The following SEMA5A variants were observed in gnomAD, a reference collection of about 807,000 sequenced individuals.
SEMA5A encodes the protein semaphorin-5A.
Under a neutral mutation model 135.5 loss-of-function variants are expected in SEMA5A, and 55 were observed. The observed-to-expected ratio is 0.41, with a 90% confidence interval of 0.33 to 0.51. The LOEUF (loss-of-function observed/expected upper bound fraction) is 0.51. Ranked by LOEUF, SEMA5A falls within the 20% of genes least tolerant of loss-of-function variation. SEMA5A has a pLI of 0.37. For synonymous variants in SEMA5A, 580 were observed against 546.5 expected (o/e 1.06, Z -0.85); for missense variants, 1,290 against 1,419.9 (o/e 0.91, Z 1.47).
intron 10 of SEMA5A, among the ~76,000 whole-genome samples, chr5:9,191,032 T>C (rs1806129): frequency 0.022 from 3,302 of 152,254 alleles, 123 homozygotes; most frequent in African/African-American, 0.075. Context: ...TTTCTACTTG[T>C]ATTTCCAATT....
intron 11 of SEMA5A, among the ~76,000 whole-genome samples, chr5:9,156,396 A>G (rs1742957382): frequency 6.6e-6 from 1 of 152,200 alleles, no homozygotes; most frequent in African/African-American, 2.4e-5. Context: ...ATCAGCTCAC[A>G]TGTGTCAGCC....
chr5:9,460,562 G>A (rs1305085127), intron 1 of SEMA5A, among the ~76,000 whole-genome samples: 2 of 152,028 alleles, frequency 1.3e-5, no homozygotes, highest in Non-Finnish European at 2.9e-5. Flanking sequence ...TAATATGCTA[G>A]ATGTTCAAGT....
chr5:9,238,714 T>C (rs1462851816), intron 5 of SEMA5A, among the ~76,000 whole-genome samples: 1 of 151,964 alleles, frequency 6.6e-6, no homozygotes, highest in Non-Finnish European at 1.5e-5. Flanking sequence ...TTTTTTCTCT[T>C]TTCTATCATT....
intron 1 of SEMA5A, among the ~76,000 whole-genome samples, chr5:9,535,816 G>A (rs961047403): frequency 6.6e-6 from 1 of 152,206 alleles, no homozygotes; most frequent in East Asian, 1.9e-4. Flanking sequence ...CTGCCCTGCG[G>A]CAAGCCAGGA....
intron 5 of SEMA5A, among the ~76,000 whole-genome samples, chr5:9,259,202 A>G (rs17255732): frequency 0.36 from 54,762 of 152,158 alleles, 10,489 homozygotes; most frequent in East Asian, 0.48. Flanking sequence ...TACAGCTACA[A>G]TGGAAGAGAG....
At chr5:9,274,266 T>A (rs1374298368) in intron 5 of SEMA5A, among the ~76,000 whole-genome samples, 1 of 152,084 alleles carries the variant, frequency 6.6e-6, no homozygotes, top group Non-Finnish European at 1.5e-5. Flanking sequence ...AGTAAAGGGA[T>A]CAATGCAACA....
intron 12 of SEMA5A, among the ~76,000 whole-genome samples, chr5:9,137,771 A>C (rs1176410315): frequency 6.6e-6 from 1 of 152,246 alleles, no homozygotes; most frequent in Non-Finnish European, 1.5e-5. Flanking sequence ...GTAAGTAAGT[A>C]ATGATGAGTT....
intron 16 of SEMA5A, among the ~76,000 whole-genome samples, chr5:9,086,567 C>T (rs1219669711): frequency 6.6e-6 from 1 of 152,152 alleles, no homozygotes; most frequent in African/African-American, 2.4e-5. Flanking sequence ...AATTGTAAGT[C>T]CAATAAACCT....
intron 15 of SEMA5A, among the ~76,000 whole-genome samples, chr5:9,109,286 C>T (rs547552055): frequency 5.9e-5 from 9 of 152,036 alleles, no homozygotes; most frequent in South Asian, 4.2e-4. Context: ...GTGATCCGCC[C>T]GCCTCGGCCT....
intron 2 of SEMA5A, among the ~76,000 whole-genome samples, chr5:9,418,709 C>T (rs568209432): frequency 6.6e-6 from 1 of 152,186 alleles, no homozygotes; most frequent in South Asian, 2.1e-4. Context: ...TATTTATACC[C>T]CGGAGAGTAA....
rs1554017978 is a variant in SEMA5A, at chr5:9,035,979, A to AAAT, written c.*6917_*6918insATT. 1 of 151,642 alleles carries AAAT rather than the reference A, an allele frequency of 6.6e-6. No homozygotes were observed. Among genetic ancestry groups the AAAT allele is most frequent in the Non-Finnish European group, 1.5e-5 (1 of 67,980 alleles). The allele number at this position is 151,642 out of a possible 1,614,324, so 9.4% of individuals were successfully genotyped here. A position where few individuals can be genotyped will look rare whatever the true frequency, so the allele number is the denominator to read the frequency against. On this transcript the variant is annotated 3_prime_UTR_variant, in exon 23 of 23. Coordinates refer to ENST00000382496, the MANE Select transcript of SEMA5A (RefSeq NM_003966.3). ...TTTCACAAAAAAAAAAAAAAAAAAA[A>AAAT]ATCTCAAGTTTATTTTGTGTTCACA...
intron 5 of SEMA5A, among the ~76,000 whole-genome samples, chr5:9,297,833 G>GTTACAGGTGTGAATCACTGGGA (rs1751417937): frequency 1.3e-5 from 2 of 151,988 alleles, no homozygotes; most frequent in South Asian, 2.1e-4. Context: ...AATCACTGGG[G>GTTACAGGTGTGAATCACTGGGA]TTACAGGTGT....
intron 10 of SEMA5A, 81 bp from the exon 11 acceptor site, chr5:9,190,552 T>C: frequency 7.5e-7 from 1 of 1,340,996 alleles, no homozygotes; most frequent in Non-Finnish European, 1.1e-6. Flanking sequence ...AGCTGGAAAG[T>C]AACTTGGAAA....
At chr5:9,050,936 T>A (rs1736539139) in intron 20 of SEMA5A, among the ~76,000 whole-genome samples, 1 of 152,192 alleles carries the variant, frequency 6.6e-6, no homozygotes, top group Non-Finnish European at 1.5e-5. Flanking sequence ...CCACTGATGC[T>A]CTTGGCATGC....
chr5:9,346,649 C>T lies in SEMA5A; in HGVS notation c.125-8837G>A, dbSNP rs559380406. On this transcript the variant is annotated intron_variant, in intron 3 of 22. Transcript: ENST00000382496. ...GCTCCCTCCAGCATGGGGTGGAACACGGAGGGTCTGAGTCAGTGGAACTCA... is the reference window on the plus strand; with the variant it reads ...GCTCCCTCCAGCATGGGGTGGAACATGGAGGGTCTGAGTCAGTGGAACTCA... 1.6e-3 allele frequency among the ~76,000 whole-genome samples: 246 copies of T among 152,248 alleles called. 1 individual carries two copies. Among genetic ancestry groups the T allele is most frequent in the Middle Eastern group, 3.4e-3 (1 of 294 alleles).
In SEMA5A at chr5:9,252,853, C is replaced by T. The variant is rs77412991; in HGVS notation, c.271-14963G>A. On this transcript the variant is annotated intron_variant, in intron 5 of 22. Coordinates refer to ENST00000382496, the MANE Select transcript of SEMA5A (RefSeq NM_003966.3). ...GACACCCTGGGGAGGTGTGAAGAAC[C>T]GTGGAAGAGATGAAGATGAGGGCCT... Among the ~76,000 whole-genome samples the T allele has an allele frequency of 8.3e-3, 1,259 of 152,224 alleles. 13 individuals carry two copies. The highest frequency in any genetic ancestry group is 0.029 in the African/African-American group (1,209 of 41,528).
intron 11 of SEMA5A, among the ~76,000 whole-genome samples, chr5:9,157,568 C>T (rs868167837): frequency 1.3e-5 from 2 of 152,150 alleles, no homozygotes; most frequent in Non-Finnish European, 2.9e-5. Context: ...GCCACTCCTG[C>T]AGCTTCCTCT....
At chr5:9,268,128 G>A (rs1159732254) in intron 5 of SEMA5A, among the ~76,000 whole-genome samples, 1 of 152,036 alleles carries the variant, frequency 6.6e-6, no homozygotes, top group Non-Finnish European at 1.5e-5. Flanking sequence ...GTTCTTGTAG[G>A]TAGTGCATTT....
chr5:9,344,788 A>G (rs920720392), intron 3 of SEMA5A, among the ~76,000 whole-genome samples: 1 of 152,224 alleles, frequency 6.6e-6, no homozygotes, highest in Non-Finnish European at 1.5e-5. Flanking sequence ...CTCCAAATAT[A>G]TGAGCCTCTA....
Sources: allele counts gnomAD v4.1 joint callset (sites outside exome capture counted in the v4.1 genomes callset), GRCh38; gene constraint gnomAD v4.1.1; transcripts MANE v1.5; gene names NCBI Gene and HGNC (gene_info 2026-07-23, HGNC 2026-07-21).